Variants in ZNF483 observed in about 807,000 individuals in gnomAD.
ZNF483 encodes the protein zinc finger protein HIT-10.
In ZNF483, 9 loss-of-function variants were observed where a neutral mutation model predicts 28.6. That is an observed-to-expected ratio of 0.32 (90% confidence interval 0.19 to 0.55). ZNF483 has a LOEUF of 0.55. ZNF483 is among the 20% of genes least tolerant of loss of function. The pLI is 0.93. For synonymous variants in ZNF483, 322 were observed against 306.2 expected (o/e 1.05, Z -0.54); for missense variants, 675 against 871.7 (o/e 0.77, Z 2.84).
intron 5 of ZNF483, among the ~76,000 whole-genome samples, chr9:111,573,864 A>C (rs990871550): frequency 6.6e-6 from 1 of 152,166 alleles, no homozygotes; most frequent in Non-Finnish European, 1.5e-5. Context: ...TGGTTTCAGC[A>C]TAAGAGAGTA....
Position 111,543,522 on chromosome 9 carries a change from C to T in ZNF483, c.*352C>T. 2 of 1,020,238 alleles carry T rather than the reference C, an allele frequency of 2.0e-6. No homozygotes were observed. The highest frequency in any genetic ancestry group is 1.7e-5 in the African/African-American group (1 of 58,386). The allele number at this position is 1,020,238 out of a possible 1,614,324, so 63.2% of individuals were successfully genotyped here. A position where few individuals can be genotyped will look rare whatever the true frequency, so the allele number is the denominator to read the frequency against. On this transcript the variant is annotated 3_prime_UTR_variant, in exon 6 of 6. Coordinates refer to ENST00000309235, the MANE Select transcript of ZNF483 (RefSeq NM_133464.5). ...ATAACTTGGATTCTGTCCCAGTTTG[C>T]CAACCAACTTGCTGTATACACCTTG... is the stretch of plus-strand genomic sequence containing the variant.
At chr9:111,533,194 T>G (rs1356184608) in intron 3 of ZNF483, among the ~76,000 whole-genome samples, 1 of 152,204 alleles carries the variant, frequency 6.6e-6, no homozygotes, top group Non-Finnish European at 1.5e-5. Flanking sequence ...ATCTATGTGT[T>G]AGGGTGAACT....
chr9:111,526,068 T>TA (rs1827178949), intron 1 of ZNF483, among the ~76,000 whole-genome samples: 1 of 152,086 alleles, frequency 6.6e-6, no homozygotes, highest in African/African-American at 2.4e-5. Flanking sequence ...CTCCGTCACT[T>TA]ATAGAATGAA....
At chr9:111,556,141 C>A (rs1460794096), downstream of ZNF483, among the ~76,000 whole-genome samples, 3 of 152,238 alleles carry the variant, frequency 2.0e-5, no homozygotes, top group African/African-American at 7.2e-5. Context: ...AGGCCCCATG[C>A]AAGTCCAAAA....
chr9:111,528,569 T>C (rs1827239200), intron 2 of ZNF483, among the ~76,000 whole-genome samples: 2 of 152,172 alleles, frequency 1.3e-5, no homozygotes, highest in Admixed American at 1.3e-4. Flanking sequence ...TTCTCAAATA[T>C]GATACAAATA....
Position 111,543,875 on chromosome 9 carries a change from T to C in ZNF483, c.*705T>C, listed in dbSNP as rs1465114099. 1.4e-5 allele frequency: 14 copies of C among 983,594 alleles called. No homozygotes were observed. Among genetic ancestry groups the C allele is most frequent in the Non-Finnish European group, 1.6e-5 (13 of 828,560 alleles). The allele number at this position is 983,594 out of a possible 1,614,324, so 60.9% of individuals were successfully genotyped here. On this transcript the variant is annotated 3_prime_UTR_variant, in exon 6 of 6. Transcript: ENST00000309235. ...GCTCAAGTGATCCTTCCATCTCACTTTCCTGAGTAGCTGACATTACGGGTA... is the reference window on the plus strand; with the variant it reads ...GCTCAAGTGATCCTTCCATCTCACTCTCCTGAGTAGCTGACATTACGGGTA...
intron 2 of ZNF483, chr9:111,528,163 C>G: frequency 1.3e-6 from 1 of 793,150 alleles, no homozygotes; most frequent in South Asian, 2.1e-5. Flanking sequence ...GCAAATCAAC[C>G]AGCTCAGGCC....
At chr9:111,539,234 A>G (rs1349851299) in intron 5 of ZNF483, among the ~76,000 whole-genome samples, 2 of 152,218 alleles carry the variant, frequency 1.3e-5, no homozygotes, top group Non-Finnish European at 2.9e-5. Flanking sequence ...TAGCTTGTGA[A>G]CATGAAAAAA....
rs1372366651 is a variant in ZNF483, at chr9:111,527,266, A to G, written c.-128-2A>G. The G allele has an allele frequency of 2.2e-6, 2 of 929,742 alleles. No individual in the cohort carries two copies. Among genetic ancestry groups the G allele is most frequent in the Non-Finnish European group, 3.2e-6 (2 of 625,492 alleles). The allele number at this position is 929,742 out of a possible 1,614,324, so 57.6% of individuals were successfully genotyped here. On this transcript the variant is annotated splice_acceptor_variant, in intron 1 of 5. Coordinates refer to ENST00000309235, the MANE Select transcript of ZNF483 (RefSeq NM_133464.5). LOFTEE classifies it low-confidence loss of function (5UTR_SPLICE). ...TAATGCCTTAATATTTCTTCTTGAC[A>G]GTTTCTGCAGGACTGTAAACTGGAT...
At position 111,527,442 on chromosome 9, in the gene ZNF483, A is replaced by C; in HGVS notation, c.47A>C (p.Glu16Ala). The C allele has an allele frequency of 6.2e-7, 1 of 1,614,130 alleles. No individual in the cohort carries two copies. Among genetic ancestry groups the C allele is most frequent in the Non-Finnish European group, 8.5e-7 (1 of 1,180,036 alleles). ...AACAAGATGACAGCCATCTCACCAG[A>C]ACCTCAAACTCTGGCCTCGACTGAA... The part of the protein sequence containing the change: ...PLNKMTAISP[E>A]PQTLASTEQN... The change falls in exon 2 of 6, where the codon GAA becomes GCA. Residue 16 changes from glutamate (E) to alanine (A), a missense_variant. Physicochemically the swap from Glu to Ala is moderately radical, Grantham distance 107. Transcript: ENST00000309235.
rs773629618 is a variant in ZNF483 at position 111,542,053 on chromosome 9, C to G, written c.1118C>G (p.Ala373Gly). 6.2e-7 allele frequency: 1 copy of G among 1,614,126 alleles called. No homozygotes were observed. Among genetic ancestry groups the G allele is most frequent in the East Asian group, 2.2e-5 (1 of 44,874 alleles). ...GGGAAAGTCCTGAGTCACTCTTCAG[C>G]TCTTACTGAACATCAGAAACGTCAG... ...DGGKVLSHSS[A>G]LTEHQKRQKI... The change falls in exon 6 of 6, where the codon GCT becomes GGT. Residue 373 changes from alanine to glycine, a missense_variant. Transcript: ENST00000309235. The surrounding 1 kb of genome is among the most constrained non-coding windows in gnomAD (Gnocchi z 6.2).
chr9:111,541,907 C>T lies in ZNF483; in HGVS notation c.972C>T (p.Tyr324=), dbSNP rs1437446404. Residue 324 remains tyrosine (Y), a synonymous_variant, in exon 6 of 6, where the codon TAC becomes TAT. Transcript: ENST00000309235. ...ACTTAATTAAACATCTGAGAGTCTA[C>T]TTGAGGAAGAAATCTCGGAGGTATA... ...TSDLIKHLRV[Y]LRKKSRRYNE... 1 of 1,614,058 alleles carries T rather than the reference C, an allele frequency of 6.2e-7. No homozygotes were observed. The highest frequency in any genetic ancestry group is 2.2e-5 in the East Asian group (1 of 44,864).
chr9:111,530,491 G>C (rs941541576), intron 2 of ZNF483, among the ~76,000 whole-genome samples: 1 of 151,952 alleles, frequency 6.6e-6, no homozygotes, highest in Admixed American at 6.6e-5. Flanking sequence ...AAAAGCCCTG[G>C]AGGGTCGGAC....
rs548094385 is a variant in ZNF483, at chr9:111,548,249, C to A, written c.*5079C>A. Among the ~76,000 whole-genome samples the A allele has an allele frequency of 4.9e-4, 74 of 152,130 alleles. No homozygotes were observed. The highest frequency in any genetic ancestry group is 7.9e-4 in the Non-Finnish European group (54 of 67,992). ...GATCGCTTTGGGTAATGTGGACATA[C>A]TAACAATAACAAACATTACAGTCTG... On this transcript the variant is annotated 3_prime_UTR_variant, in exon 6 of 6. Coordinates refer to ENST00000309235, the MANE Select transcript of ZNF483 (RefSeq NM_133464.5).
intron 5 of ZNF483, chr9:111,539,842 T>C (rs1186479899): frequency 1.2e-5 from 2 of 163,558 alleles, no homozygotes; most frequent in East Asian, 3.7e-4. Flanking sequence ...TTATGAAGAA[T>C]TAATGAGTTG....
chr9:111,530,798 T>TACAC (rs1232406847), intron 2 of ZNF483, 77 bp from the exon 3 acceptor site: 3 of 55,046 alleles, frequency 5.4e-5, no homozygotes, highest in African/African-American at 2.6e-4. Context: ...TATATATATA[T>TACAC]ATACATATAT....
At position 111,543,352 on chromosome 9, in the gene ZNF483, ATTAG is replaced by A. The variant is rs751639926; in HGVS notation, c.*185_*188del. 2.8e-5 allele frequency: 38 copies of A among 1,367,428 alleles called. No homozygotes were observed. Among genetic ancestry groups the A allele is most frequent in the Non-Finnish European group, 3.5e-5 (37 of 1,065,346 alleles). 84.7% of individuals were successfully genotyped at this position (1,367,428 alleles called of 1,614,324 possible). A position where few individuals can be genotyped will look rare whatever the true frequency, so the allele number is the denominator to read the frequency against. ...GGATGGCAACGACTGGTAAACAGTA[ATTAG>A]TTGGTAAAGTCACTGGAAAGGGAAG... is the stretch of plus-strand genomic sequence containing the variant. On this transcript the variant is annotated 3_prime_UTR_variant, in exon 6 of 6. Transcript: ENST00000309235.
rs1491494836 is a variant in ZNF483, at chr9:111,530,801, A to AAAAT, written c.413-74_413-73insAAAT. Reference sequence around the variant, plus strand: ...TATATATATATATATATATATATATACATATATATATATAAGATTTTTAGT... The same window carrying AAAAT: ...TATATATATATATATATATATATATAAAATCATATATATATATAAGATTTTTAGT... On this transcript the variant is annotated intron_variant, in intron 2 of 5. Transcript: ENST00000309235. 8.3e-5 allele frequency: 3 copies of AAAAT among 36,252 alleles called. No individual in the cohort carries two copies. In the East Asian group the frequency reaches 1.8e-3, roughly 22 times the overall value. The allele number at this position is 36,252 out of a possible 1,614,324, so 2.2% of individuals were successfully genotyped here. A position where few individuals can be genotyped will look rare whatever the true frequency, so the allele number is the denominator to read the frequency against.
chr9:111,533,660 A>G (rs77285476), intron 3 of ZNF483, 79 bp from the exon 4 acceptor site: 40,921 of 1,416,618 alleles, frequency 0.029, 1,368 homozygotes, highest in East Asian at 0.16. Flanking sequence ...CAGAGCCATA[A>G]TAGCCTGTCT....
Sources: allele counts gnomAD v4.1 joint callset (sites outside exome capture counted in the v4.1 genomes callset), GRCh38; gene constraint gnomAD v4.1.1; non-coding constraint Gnocchi (gnomAD v3.1); transcripts MANE v1.5; gene names NCBI Gene and HGNC (gene_info 2026-07-23, HGNC 2026-07-21).